Variants in DHPS observed in about 807,000 individuals in gnomAD.
DHPS encodes the protein deoxyhypusine synthase, also known as migration-inducing gene 13.
A neutral mutation model predicts 38.7 loss-of-function variants in DHPS; 24 were observed. The ratio of observed to expected loss-of-function variants is 0.62; its 90% CI spans 0.45 to 0.87. DHPS has a LOEUF of 0.87. Among genes scored for constraint, DHPS ranks in the 40% least tolerant of loss-of-function variants. The pLI, the probability that DHPS is intolerant of heterozygous loss-of-function variation, is 0.00. For missense variants in DHPS, 510 were observed against 497.6 expected, an observed-to-expected ratio of 1.02 and a Z score of -0.24; for synonymous variants, 250 against 204.4, an observed-to-expected ratio of 1.22 and a Z score of -1.90.
chr19:12,681,231 G>A (rs1204169216), intron 1 of DHPS: 4 of 1,259,642 alleles, frequency 3.2e-6, no homozygotes, highest in African/African-American at 1.5e-5. Context: ...CCCAGACTTA[G>A]GCTCCTCCTC....
At chr19:12,679,148 A>C (rs952257020) in intron 5 of DHPS, among the ~76,000 whole-genome samples, 6 of 151,992 alleles carry the variant, frequency 3.9e-5, no homozygotes, top group African/African-American at 1.5e-4. Flanking sequence ...AATTTTTAAA[A>C]TTAGCTGGGC....
intron 5 of DHPS, 95 bp downstream of exon 5, chr19:12,679,362 G>A (rs2024721210): frequency 2.5e-6 from 3 of 1,190,478 alleles, no homozygotes; most frequent in African/African-American, 3.0e-5. Context: ...TGAGGATGCT[G>A]AGAATAACAG....
rs551638431 is a variant in DHPS at position 12,679,948 on chromosome 19, G to T, written c.373-26C>A. 1.0e-4 allele frequency: 163 copies of T among 1,602,028 alleles called. 1 individual carries two copies. In the South Asian group the frequency reaches 1.7e-3, roughly 16 times the overall value. The stretch of plus-strand genomic sequence containing the variant: ...CTGCAGCCACAAGGCAGTGAATTTG[G>T]CCCAAGAAGGAAGCCCCTGCCCTCA... On this transcript the variant is annotated intron_variant, in intron 2 of 8. Coordinates refer to ENST00000210060, the MANE Select transcript of DHPS (RefSeq NM_001930.4).
chr19:12,681,355 G>T, intron 1 of DHPS: 2 of 982,608 alleles, frequency 2.0e-6, no homozygotes, highest in African/African-American at 1.6e-5. Context: ...TCAGGTTACC[G>T]TACCAGCATG....
At chr19:12,676,262 A>G in intron 7 of DHPS, 120 bp from the exon 8 acceptor site, 3 of 1,245,254 alleles carry the variant, frequency 2.4e-6, no homozygotes, top group Non-Finnish European at 3.3e-6. Context: ...AGCCCTTCAC[A>G]GACATTCGCT....
chr19:12,676,181 G>A lies in DHPS; in HGVS notation c.889-39C>T, dbSNP rs752409353. ...GGGGCACGGTGGGCCCAGTCAGCCAGTCACAGGAGACAGACACAGAGGGAG... is the reference window on the plus strand; with the variant it reads ...GGGGCACGGTGGGCCCAGTCAGCCAATCACAGGAGACAGACACAGAGGGAG... On this transcript the variant is annotated intron_variant, in intron 7 of 8. Transcript: ENST00000210060. 1.9e-6 allele frequency: 3 copies of A among 1,548,436 alleles called. No individual in the cohort carries two copies. In the Admixed American group the frequency reaches 5.5e-5, roughly 28 times the overall value.
chr19:12,679,655 G>A lies in DHPS; in HGVS notation c.559C>T (p.Leu187=). The A allele has an allele frequency of 6.2e-7, 1 of 1,614,182 alleles. No homozygotes were observed. Among genetic ancestry groups the A allele is most frequent in the Non-Finnish European group, 8.5e-7 (1 of 1,180,030 alleles). ...TTCTGCTCCATCACCATCTGGTCCA[G>A]AATGGGCATCAGCCAGTCCTCAAAC... ...CKFEDWLMPI[L]DQMVMEQNTE... is the part of the protein sequence containing the mutation. The change falls in exon 4 of 9, where the codon CTG becomes TTG. Residue 187 remains leucine, a synonymous_variant. Coordinates refer to ENST00000210060, the MANE Select transcript of DHPS (RefSeq NM_001930.4).
downstream of DHPS, chr19:12,672,549 G>A (rs903527573): frequency 6.4e-5 from 25 of 392,632 alleles, no homozygotes; most frequent in Middle Eastern, 7.7e-4. Context: ...CAGAGGTTCC[G>A]GTGAGCCAAG....
chr19:12,675,389 G>A (rs1433230115), downstream of DHPS: 1 of 1,272,158 alleles, frequency 7.9e-7, no homozygotes, highest in Non-Finnish European at 1.1e-6. Context: ...GAGGCAATTA[G>A]AGGCAGGTGG....
chr19:12,679,335 G>A (rs765265058), intron 5 of DHPS, 122 bp downstream of exon 5: 12 of 947,228 alleles, frequency 1.3e-5, no homozygotes, highest in Non-Finnish European at 1.8e-5. Context: ...CTGTGTTTGA[G>A]TCTCCTCATC....
chr19:12,681,182 CT>C, intron 1 of DHPS: 1 of 1,243,480 alleles, frequency 8.0e-7, no homozygotes, highest in Non-Finnish European at 1.0e-6. Flanking sequence ...GATCCGGTCC[CT>C]TCCCCGCTGG....
At chr19:12,679,297 CAA>C (rs373817355) in intron 5 of DHPS, among the ~76,000 whole-genome samples, 158 bp downstream of exon 5, 6 of 137,160 alleles carry the variant, frequency 4.4e-5, no homozygotes, top group African/African-American at 1.3e-4. Flanking sequence ...GATCCTGTCT[CAA>C]AAAAAAAAAA....
chr19:12,677,314 C>T lies in DHPS; in HGVS notation c.761G>A (p.Gly254Asp), dbSNP rs757666183. 6.2e-7 allele frequency: 1 copy of T among 1,614,202 alleles called. No homozygotes were observed. The highest frequency in any genetic ancestry group is 8.5e-7 in the Non-Finnish European group (1 of 1,180,038). The change falls in exon 6 of 9, where the codon GGC (glycine) becomes GAC (aspartate). Residue 254 changes from glycine (G) to aspartate (D), a missense_variant. By Grantham distance (94) the Gly-to-Asp change is moderately conservative. Transcript: ENST00000210060. ...ACCCTCAACGATGTCCAGGACCAGG[C>T]CCGGGTTCTTGTAGGAATGGAAGAA... The part of the protein sequence containing the change: ...MIFFHSYKNP[G>D]LVLDIVEDLR...
intron 2 of DHPS, 87 bp from the exon 3 acceptor site, chr19:12,680,009 T>C: frequency 6.4e-7 from 1 of 1,561,584 alleles, no homozygotes; most frequent in Non-Finnish European, 8.7e-7. Context: ...CCTTGTCCAG[T>C]GACTCTTATG....
In DHPS at chr19:12,677,333, GGAA is replaced by G. The variant is rs751094326; in HGVS notation, c.739_741del (p.Phe247del). 9.9e-6 allele frequency: 16 copies of G among 1,614,074 alleles called. No homozygotes were observed. Among genetic ancestry groups the G allele is most frequent in the Admixed American group, 1.7e-5 (1 of 59,998 alleles). ...ACCAGGCCCGGGTTCTTGTAGGAAT[GGAA>G]GAAGATCATGTCGCCCAGCGAGCCG... On this transcript the variant is annotated inframe_deletion, in exon 6 of 9. Coordinates refer to ENST00000210060, the MANE Select transcript of DHPS (RefSeq NM_001930.4).
At chr19:12,679,361 T>G in intron 5 of DHPS, 96 bp downstream of exon 5, 1 of 1,200,394 alleles carries the variant, frequency 8.3e-7, no homozygotes, top group Non-Finnish European at 1.2e-6. Flanking sequence ...GTGAGGATGC[T>G]GAGAATAACA....
Position 12,679,141 on chromosome 19 carries a change from T to G in DHPS, c.678+316A>C, listed in dbSNP as rs528237178. Among the ~76,000 whole-genome samples the G allele has an allele frequency of 1.3e-3, 192 of 151,840 alleles. 1 individual carries two copies. The highest frequency in any genetic ancestry group is 4.5e-3 in the African/African-American group (185 of 41,378). On this transcript the variant is annotated intron_variant, in intron 5 of 8. Coordinates refer to ENST00000210060, the MANE Select transcript of DHPS (RefSeq NM_001930.4). ...GGAGACCCCCATCTCTACAAAAAATTTTTAAAATTAGCTGGGCATGATGGC... is the reference window on the plus strand; with the variant it reads ...GGAGACCCCCATCTCTACAAAAAATGTTTAAAATTAGCTGGGCATGATGGC...
At chr19:12,675,587 C>T (rs201602197), downstream of DHPS, 32 of 1,605,650 alleles carry the variant, frequency 2.0e-5, no homozygotes, top group Admixed American at 1.7e-5. Flanking sequence ...TACCACCCAA[C>T]AGAGCCCTGC....
chr19:12,680,136 G>C (rs756471847), intron 2 of DHPS, 25 bp downstream of exon 2: 30 of 1,612,622 alleles, frequency 1.9e-5, no homozygotes, highest in Non-Finnish European at 2.4e-5. Context: ...CAGAGGCCAA[G>C]GCCACGGCCT....
Sources: gnomAD v4.1 joint callset for allele counts (sites outside exome capture counted in the v4.1 genomes callset) on GRCh38, gnomAD v4.1.1 for gene constraint, MANE v1.5 for transcripts, NCBI Gene and HGNC (gene_info 2026-07-23, HGNC 2026-07-21) for gene names.